The following SLC35B1 variants were observed in gnomAD, a reference collection of about 807,000 sequenced individuals.
The protein encoded by SLC35B1 is solute carrier family 35 member B1.
A neutral mutation model predicts 36.6 loss-of-function variants in SLC35B1; 27 were observed. The ratio of observed to expected loss-of-function variants is 0.74; its 90% CI spans 0.54 to 1.02. The LOEUF (loss-of-function observed/expected upper bound fraction) is 1.02. SLC35B1 is among the 50% of genes least tolerant of loss of function. The probability of loss-of-function intolerance (pLI) is 0.00; values close to 1 mark genes in which losing one functional copy is unlikely to be tolerated. For missense variants in SLC35B1, 321 were observed against 383.2 expected, an observed-to-expected ratio of 0.84 and a Z score of 1.35; for synonymous variants, 162 against 152.5, an observed-to-expected ratio of 1.06 and a Z score of -0.46.
chr17:49,703,697 A>G (rs1205505551), intron 6 of SLC35B1: 1 of 319,404 alleles, frequency 3.1e-6, no homozygotes, highest in African/African-American at 2.1e-5. Flanking sequence ...TACTTTCTAC[A>G]TGTGCCCAAA....
chr17:49,707,913 C>G lies in SLC35B1; in HGVS notation c.-80G>C, dbSNP rs770780585. On this transcript the variant is annotated 5_prime_UTR_variant, in exon 1 of 9. Transcript: ENST00000240333. ...CGGCGGCGGAGGCGACAGCTCCAGC[C>G]GGACATCGCCGACCGGCGGCAGGGG... 1.1e-5 allele frequency: 17 copies of G among 1,581,318 alleles called. No individual in the cohort carries two copies. The highest frequency in any genetic ancestry group is 1.4e-5 in the Non-Finnish European group (16 of 1,164,040).
rs919615269 is a variant in SLC35B1 at position 49,707,932 on chromosome 17, G to T, written c.-99C>A. ...TCCAGCCGGACATCGCCGACCGGCG[G>T]CAGGGGCCTCATAGGAGCTGCATGC... is the stretch of plus-strand genomic sequence containing the variant. On this transcript the variant is annotated 5_prime_UTR_variant, in exon 1 of 9. Coordinates refer to ENST00000240333, the MANE Select transcript of SLC35B1 (RefSeq NM_005827.4). 1.2e-5 allele frequency: 19 copies of T among 1,563,288 alleles called. No individual in the cohort carries two copies. In the Admixed American group the frequency reaches 1.7e-4, roughly 14 times the overall value.
At chr17:49,705,004 T>C (rs2073397198) in intron 5 of SLC35B1, 120 bp downstream of exon 5, 3 of 927,326 alleles carry the variant, frequency 3.2e-6, no homozygotes, top group African/African-American at 3.3e-5. Context: ...AGAGCAGATA[T>C]GGGGACAAGG....
chr17:49,701,554 G>A lies in SLC35B1; in HGVS notation c.917-44C>T, dbSNP rs775277469. The stretch of plus-strand genomic sequence containing the variant: ...TGGGCTTAGCCTTATGGGGGGAAAT[G>A]AAACTTACCAATGATTGTGGTGGGG... On this transcript the variant is annotated intron_variant, in intron 8 of 8. Transcript: ENST00000240333. 68 of 1,555,306 alleles carry A rather than the reference G, an allele frequency of 4.4e-5. 1 individual carries two copies. The South Asian group carries it at 7.3e-4, about 17-fold the overall frequency.
chr17:49,703,425 C>G (rs1598008945), intron 6 of SLC35B1, 131 bp from the exon 7 acceptor site: 2 of 675,674 alleles, frequency 3.0e-6, no homozygotes, highest in East Asian at 5.6e-5. Flanking sequence ...AGGTGGGACG[C>G]GGGAAAGTGT....
Position 49,702,963 on chromosome 17 carries a change from T to A in SLC35B1, c.811A>T (p.Ile271Phe), listed in dbSNP as rs751882003. 17 of 1,614,030 alleles carry A rather than the reference T, an allele frequency of 1.1e-5. No individual in the cohort carries two copies. The highest frequency in any genetic ancestry group is 1.4e-5 in the Non-Finnish European group (17 of 1,180,004). Residue 271 changes from isoleucine to phenylalanine, a missense_variant, in exon 8 of 9, where the codon ATC (isoleucine) becomes TTC (phenylalanine). Transcript: ENST00000240333. ...AAGAACTTTCGAGTTGTAGTGATGA[T>A]GGAGCAGGTCAGGGGACCAAAATAC... is the stretch of plus-strand genomic sequence containing the variant. ...VVYFGPLTCS[I>F]ITTTRKFFTI... is the part of the protein sequence containing the mutation.
At chr17:49,704,008 G>A in intron 6 of SLC35B1, 92 bp downstream of exon 6, 3 of 1,546,856 alleles carry the variant, frequency 1.9e-6, no homozygotes, top group Non-Finnish European at 2.7e-6. Context: ...TCAGGCCCTT[G>A]GTCTGGGCAA....
intron 2 of SLC35B1, among the ~76,000 whole-genome samples, 196 bp from the exon 3 acceptor site, chr17:49,706,530 A>T (rs1263771856): frequency 6.6e-6 from 1 of 152,124 alleles, no homozygotes; most frequent in African/African-American, 2.4e-5. Context: ...CATCTTTCCA[A>T]TTCTACCTAA....
chr17:49,706,381 A>C (rs749966986), intron 2 of SLC35B1, 47 bp from the exon 3 acceptor site: 6 of 1,426,370 alleles, frequency 4.2e-6, no homozygotes, highest in Non-Finnish European at 5.5e-6. Flanking sequence ...GAAAAGAAAA[A>C]AAAAAAAAAA....
Position 49,705,191 on chromosome 17 carries a change from A to G in SLC35B1, c.461T>C (p.Phe154Ser), listed in dbSNP as rs749637867. Reference protein sequence around the residue: ...VLLIVAGVALFMYKPKKVVGI... With the variant: ...VLLIVAGVALSMYKPKKVVGI... ...AACAACTTTCTTGGGTTTGTACATGAAAAGGGCCACTCCAGCCACAATTAA... is the reference window on the plus strand; with the variant it reads ...AACAACTTTCTTGGGTTTGTACATGGAAAGGGCCACTCCAGCCACAATTAA... The change falls in exon 5 of 9, where the codon TTC (phenylalanine) becomes TCC (serine). Residue 154 changes from phenylalanine to serine, a missense_variant. Coordinates refer to ENST00000240333, the MANE Select transcript of SLC35B1 (RefSeq NM_005827.4). The G allele has an allele frequency of 1.9e-6, 3 of 1,614,078 alleles. No homozygotes were observed. The African/African-American group carries it at 4.0e-5, about 22-fold the overall frequency.
At position 49,701,382 on chromosome 17, in the gene SLC35B1, G is replaced by T; in HGVS notation, c.*76C>A. On this transcript the variant is annotated 3_prime_UTR_variant, in exon 9 of 9. Transcript: ENST00000240333. ...GAACTCAGTCCCATATTCCTATTAA[G>T]TCCATTTTCCCAAGAGATGTCACTG... 1 of 1,167,222 alleles carries T rather than the reference G, an allele frequency of 8.6e-7. No individual in the cohort carries two copies. 72.3% of individuals were successfully genotyped at this position (1,167,222 alleles called of 1,614,324 possible).
In SLC35B1 at chr17:49,707,847, G is replaced by A. The variant is rs757872721; in HGVS notation, c.-14C>T. The A allele has an allele frequency of 4.5e-5, 73 of 1,611,018 alleles. No individual in the cohort carries two copies. Among genetic ancestry groups the A allele is most frequent in the Non-Finnish European group, 5.7e-5 (67 of 1,179,542 alleles). ...GCTAGAGGCCATGAGACGCCCAGAG[G>A]AGCCGACTGGAGACCCGCTCACAAC... On this transcript the variant is annotated 5_prime_UTR_variant, in exon 1 of 9. Transcript: ENST00000240333.
chr17:49,708,068 C>T, upstream of SLC35B1: 1 of 858,884 alleles, frequency 1.2e-6, no homozygotes, highest in South Asian at 1.5e-5. Flanking sequence ...GAAAACCCGC[C>T]CTGGGACCTT....
chr17:49,707,866 T>C lies in SLC35B1; in HGVS notation c.-33A>G. 1 of 1,609,834 alleles carries C rather than the reference T, an allele frequency of 6.2e-7. No individual in the cohort carries two copies. Among genetic ancestry groups the C allele is most frequent in the Non-Finnish European group, 8.5e-7 (1 of 1,178,924 alleles). Reference sequence around the variant, plus strand: ...CCAGAGGAGCCGACTGGAGACCCGCTCACAACCGGCACCGGCAGCAGCGGC... The same window carrying C: ...CCAGAGGAGCCGACTGGAGACCCGCCCACAACCGGCACCGGCAGCAGCGGC... On this transcript the variant is annotated 5_prime_UTR_variant, in exon 1 of 9. The change abolishes the stop of an existing upstream ORF in the 5' untranslated region. Coordinates refer to ENST00000240333, the MANE Select transcript of SLC35B1 (RefSeq NM_005827.4).
intron 8 of SLC35B1, chr17:49,701,988 G>A (rs1389822240): frequency 1.5e-5 from 5 of 323,918 alleles, no homozygotes; most frequent in Admixed American, 7.6e-5. Context: ...AACTACTCGG[G>A]AGGCTGTGGT....
chr17:49,704,231 G>A lies in SLC35B1; in HGVS notation c.529-5C>T, dbSNP rs971095871. On this transcript the variant is annotated splice_region_variant and splice_polypyrimidine_tract_variant and intron_variant, in intron 5 of 8. Transcript: ENST00000240333. ...ATCCAGGGTCAGCGATAATAGCTGG[G>A]AAAGAAAGGGTGCAGCCTGCAGTGA... 1.9e-6 allele frequency: 3 copies of A among 1,612,684 alleles called. No individual in the cohort carries two copies. Among genetic ancestry groups the A allele is most frequent in the Non-Finnish European group, 2.5e-6 (3 of 1,179,756 alleles).
rs2073373499 is a variant in SLC35B1, at chr17:49,703,241, G to A, written c.709C>T (p.Pro237Ser). 1.2e-6 allele frequency: 2 copies of A among 1,613,718 alleles called. No homozygotes were observed. Among genetic ancestry groups the A allele is most frequent in the Non-Finnish European group, 1.7e-6 (2 of 1,179,934 alleles). Residue 237 changes from proline (P) to serine (S), a missense_variant, in exon 7 of 9, where the codon CCT (proline) becomes TCT (serine). Pro to Ser is a moderately conservative substitution (Grantham distance 74, BLOSUM62 -1). Coordinates refer to ENST00000240333, the MANE Select transcript of SLC35B1 (RefSeq NM_005827.4). ...WEFLSFAERY[P>S]AIIYNILLFG... Reference sequence around the variant, plus strand: ...AGCAGGATGTTATAGATGATGGCAGGGTACCTTTCAGCAAAGCTCAAGAAC... The same window carrying A: ...AGCAGGATGTTATAGATGATGGCAGAGTACCTTTCAGCAAAGCTCAAGAAC...
At position 49,707,757 on chromosome 17, in the gene SLC35B1, A is replaced by G. The variant is rs778142334; in HGVS notation, c.77T>C (p.Phe26Ser). 1.2e-6 allele frequency: 2 copies of G among 1,612,042 alleles called. No homozygotes were observed. The highest frequency in any genetic ancestry group is 8.5e-7 in the Non-Finnish European group (1 of 1,179,846). The change falls in exon 1 of 9, where the codon TTT (phenylalanine) becomes TCT (serine). Residue 26 changes from phenylalanine (F) to serine (S), a missense_variant. Coordinates refer to ENST00000240333, the MANE Select transcript of SLC35B1 (RefSeq NM_005827.4). ...CTTTTCCTGCAGGATCCCATAGTAA[A>G]AATAGCAGACAAAGACACCCAGGAA... ...LCFLGVFVCY[F>S]YYGILQEKIT...
chr17:49,705,885 T>C lies in SLC35B1; in HGVS notation c.351A>G (p.Lys117=). ...FVNYPTQVLG[K]SCKPIPVMLL... ...GCTTACCTGGGATTGGCTTGCAGGA[T>C]TTACCAAGGACCTGAAATTAAATCC... Residue 117 remains lysine, a synonymous_variant, in exon 4 of 9, where the codon AAA becomes AAG. Transcript: ENST00000240333. 1 of 1,613,992 alleles carries C rather than the reference T, an allele frequency of 6.2e-7. No homozygotes were observed.
Sources: allele counts gnomAD v4.1 joint callset (sites outside exome capture counted in the v4.1 genomes callset), GRCh38; gene constraint gnomAD v4.1.1; transcripts MANE v1.5; gene names NCBI Gene and HGNC (gene_info 2026-07-23, HGNC 2026-07-21).